MGAT5B: variants seen among roughly 807,000 people sequenced by gnomAD.
The protein encoded by MGAT5B is alpha-1,6-mannosylglycoprotein 6-beta-N-acetylglucosaminyltransferase B.
A neutral mutation model predicts 95.1 loss-of-function variants in MGAT5B; 54 were observed. The ratio of observed to expected loss-of-function variants is 0.57; its 90% CI spans 0.46 to 0.71. MGAT5B has a LOEUF of 0.71. Among genes scored for constraint, MGAT5B ranks in the 30% least tolerant of loss-of-function variants. MGAT5B has a pLI of 0.00. For synonymous variants in MGAT5B, 464 were observed against 451.0 expected (o/e 1.03, Z -0.36); for missense variants, 935 against 1,088.6 (o/e 0.86, Z 1.99).
intron 15 of MGAT5B, 130 bp from the exon 16 acceptor site, chr17:76,946,246 G>A (rs1352767042): frequency 7.3e-6 from 5 of 680,414 alleles, no homozygotes; most frequent in African/African-American, 3.7e-5. Flanking sequence ...GGTGGATGGG[G>A]TGGTCGGCTC....
At chr17:76,939,379 T>C (rs1969792813) in intron 13 of MGAT5B, among the ~76,000 whole-genome samples, 1 of 151,820 alleles carries the variant, frequency 6.6e-6, no homozygotes, top group Non-Finnish European at 1.5e-5. Context: ...CTGGGTGTGG[T>C]GGCGGGCGCC....
At chr17:76,899,383 C>T (rs544945817) in intron 3 of MGAT5B, among the ~76,000 whole-genome samples, 218 of 152,306 alleles carry the variant, frequency 1.4e-3, no homozygotes, top group African/African-American at 5.1e-3. Context: ...GTGGCTCACA[C>T]CTGTAATCCC....
chr17:76,887,287 C>T (rs577437706), intron 3 of MGAT5B, among the ~76,000 whole-genome samples: 2 of 152,138 alleles, frequency 1.3e-5, no homozygotes, highest in African/African-American at 4.8e-5. Context: ...TTGCAGTCAC[C>T]CCTGGCTCTT....
Position 76,947,982 on chromosome 17 carries a change from G to A in MGAT5B, c.2076G>A (p.Trp692Ter). The change falls in exon 17 of 18, where the codon TGG (tryptophan) becomes TGA (stop). Residue 692 changes from tryptophan to a stop codon, truncating the protein, a stop_gained. Transcript: ENST00000569840. LOFTEE classifies it high-confidence loss of function. Reference protein sequence around the residue: ...AWPPAHALRAWLAVPGRACTD... With the variant: ...AWPPAHALRA Reference sequence around the variant, plus strand: ...CCCCCGCGCACGCCCTGCGGGCCTGGCTGGCCGTGCCTGGGAGGGCCTGCA... The same window carrying A: ...CCCCCGCGCACGCCCTGCGGGCCTGACTGGCCGTGCCTGGGAGGGCCTGCA... 6.2e-7 allele frequency: 1 copy of A among 1,612,026 alleles called. No individual in the cohort carries two copies. Among genetic ancestry groups the A allele is most frequent in the Non-Finnish European group, 8.5e-7 (1 of 1,179,202 alleles).
intron 12 of MGAT5B, among the ~76,000 whole-genome samples, chr17:76,937,722 G>A: frequency 6.6e-6 from 1 of 152,200 alleles, no homozygotes; most frequent in East Asian, 1.9e-4. Context: ...CCATTTAAAT[G>A]TTGGTCCCCA....
Position 76,940,841 on chromosome 17 carries a change from G to A in MGAT5B, c.1841G>A (p.Arg614Lys). 1 of 1,613,422 alleles carries A rather than the reference G, an allele frequency of 6.2e-7. No homozygotes were observed. The highest frequency in any genetic ancestry group is 8.5e-7 in the Non-Finnish European group (1 of 1,179,466). Residue 614 changes from arginine (R) to lysine (K), a missense_variant, in exon 15 of 18, where the codon AGA (arginine) becomes AAA (lysine). Physicochemically the swap from Arg to Lys is conservative, Grantham distance 26. This residue lies in a region of MGAT5B where 440 missense variants were observed against 523.6 expected (regional missense o/e 0.84). Transcript: ENST00000569840. This position sits in a 1 kb window ranked among gnomAD's most constrained non-coding sequence, Gnocchi z 4.3. ...GAAGCAGCCATCAAGGCCATTATGA[G>A]AACTCAGGTGAGAGCAGCCACATAC... ...EFEAAIKAIM[R>K]TQVDPYLPYE...
chr17:76,924,912 C>T lies in MGAT5B; in HGVS notation c.1026-54C>T, dbSNP rs367967326. ...CTGGGCTCTAAGGAACTGGGGTGGC[C>T]GGTTGGGCAGGTGGGTTTCTTGGGG... On this transcript the variant is annotated intron_variant, in intron 8 of 17. Transcript: ENST00000569840. 20 of 1,603,852 alleles carry T rather than the reference C, an allele frequency of 1.2e-5. 1 individual carries two copies. The highest frequency in any genetic ancestry group is 1.7e-4 in the Middle Eastern group (1 of 6,034).
intron 15 of MGAT5B, among the ~76,000 whole-genome samples, chr17:76,942,059 G>A (rs1332691746): frequency 6.6e-6 from 1 of 152,202 alleles, no homozygotes; most frequent in East Asian, 1.9e-4. Flanking sequence ...GGAGGGTGGG[G>A]CGCTGATGGC....
chr17:76,913,500 G>A (rs572255354), intron 8 of MGAT5B, among the ~76,000 whole-genome samples: 39 of 152,360 alleles, frequency 2.6e-4, no homozygotes, highest in African/African-American at 8.9e-4. Flanking sequence ...AAACAGAGGT[G>A]CCCCATGGAG....
chr17:76,926,463 T>A, intron 9 of MGAT5B, 134 bp from the exon 10 acceptor site: 1 of 835,030 alleles, frequency 1.2e-6, no homozygotes, highest in East Asian at 2.7e-5. Context: ...AGTGTCCTAG[T>A]CCAAGTGCTA....
chr17:76,915,504 G>A lies in MGAT5B; in HGVS notation c.1025+9317G>A, dbSNP rs1213653741. Among the ~76,000 whole-genome samples the A allele has an allele frequency of 6.6e-6, 1 of 152,198 alleles. No individual in the cohort carries two copies. Among genetic ancestry groups the A allele is most frequent in the Non-Finnish European group, 1.5e-5 (1 of 68,036 alleles). Reference sequence around the variant, plus strand: ...CGGGCTCTACCAGGGTTTGTAATATGCTATCCCTCGAAACAAACAGGATTC... The same window carrying A: ...CGGGCTCTACCAGGGTTTGTAATATACTATCCCTCGAAACAAACAGGATTC... On this transcript the variant is annotated intron_variant, in intron 8 of 17. Coordinates refer to ENST00000569840, the MANE Select transcript of MGAT5B (RefSeq NM_001199172.2). This position sits in a 1 kb window ranked among gnomAD's most constrained non-coding sequence, Gnocchi z 8.7.
At chr17:76,936,884 A>G (rs1190351653) in intron 12 of MGAT5B, among the ~76,000 whole-genome samples, 1 of 152,204 alleles carries the variant, frequency 6.6e-6, no homozygotes, top group African/African-American at 2.4e-5. Context: ...AAGCCTGCTA[A>G]CTGTGTTCTT....
chr17:76,938,908 G>A lies in MGAT5B; in HGVS notation c.1584+765G>A, dbSNP rs1969760625. ...TGCCCAGGCTGGTGTCAATCTCCTGGGCTTAAGCGATCCTACCACCTCGGC... is the reference window on the plus strand; with the variant it reads ...TGCCCAGGCTGGTGTCAATCTCCTGAGCTTAAGCGATCCTACCACCTCGGC... On this transcript the variant is annotated intron_variant, in intron 13 of 17. Transcript: ENST00000569840. This position sits in a 1 kb window ranked among gnomAD's most constrained non-coding sequence, Gnocchi z 4.3. Among the ~76,000 whole-genome samples the A allele has an allele frequency of 6.6e-6, 1 of 151,896 alleles. No individual in the cohort carries two copies. Among genetic ancestry groups the A allele is most frequent in the South Asian group, 2.1e-4 (1 of 4,802 alleles).
intron 3 of MGAT5B, among the ~76,000 whole-genome samples, chr17:76,897,793 C>T (rs1164339286): frequency 3.4e-5 from 5 of 145,202 alleles, no homozygotes; most frequent in African/African-American, 7.7e-5. Context: ...TGGTGGCTCA[C>T]GCCTGTTATC....
chr17:76,946,377 T>G lies in MGAT5B; in HGVS notation c.1850T>G (p.Val617Gly). 6.2e-7 allele frequency: 1 copy of G among 1,605,966 alleles called. No homozygotes were observed. The highest frequency in any genetic ancestry group is 8.5e-7 in the Non-Finnish European group (1 of 1,176,002). Reference protein sequence around the residue: ...AAIKAIMRTQVDPYLPYEYTC... With the variant: ...AAIKAIMRTQGDPYLPYEYTC... ...TGTGTCTGCCCATCCCTCCCACAGG[T>G]AGACCCCTACCTACCCTACGAGTAC... The change falls in exon 16 of 18, where the codon GTA (valine) becomes GGA (glycine). Residue 617 changes from valine (V) to glycine (G), a missense_variant and splice_region_variant. Physicochemically the swap from Val to Gly is moderately radical, Grantham distance 109 (BLOSUM62 -3). This residue lies in a region of MGAT5B where 440 missense variants were observed against 523.6 expected (regional missense o/e 0.84). Transcript: ENST00000569840.
Position 76,946,422 on chromosome 17 carries a change from A to C in MGAT5B, c.1895A>C (p.Glu632Ala). Residue 632 changes from glutamate to alanine, a missense_variant, in exon 16 of 18, where the codon GAG becomes GCG. Glu to Ala is a moderately radical substitution (Grantham distance 107). Coordinates refer to ENST00000569840, the MANE Select transcript of MGAT5B (RefSeq NM_001199172.2). ...PYEYTCEGML[E>A]RIHAYIQHQD... ...GAGTACACCTGCGAGGGGATGCTGG[A>C]GCGGATCCACGCCTACATCCAGCAC... 5 of 1,604,398 alleles carry C rather than the reference A, an allele frequency of 3.1e-6. No homozygotes were observed. The highest frequency in any genetic ancestry group is 4.3e-6 in the Non-Finnish European group (5 of 1,174,998).
Position 76,940,884 on chromosome 17 carries a change from A to G in MGAT5B, c.1848+36A>G. Reference sequence around the variant, plus strand: ...CCACATACAGTTGAGACCCCCCACTAGTCCACACTGCTGGTCTTCACTCTG... The same window carrying G: ...CCACATACAGTTGAGACCCCCCACTGGTCCACACTGCTGGTCTTCACTCTG... On this transcript the variant is annotated intron_variant, in intron 15 of 17. Coordinates refer to ENST00000569840, the MANE Select transcript of MGAT5B (RefSeq NM_001199172.2). The surrounding 1 kb of genome is among the most constrained non-coding windows in gnomAD (Gnocchi z 4.3). The G allele has an allele frequency of 6.6e-7, 1 of 1,506,276 alleles. No individual in the cohort carries two copies. Among genetic ancestry groups the G allele is most frequent in the Non-Finnish European group, 9.2e-7 (1 of 1,082,500 alleles). The allele number at this position is 1,506,276 out of a possible 1,614,324, so 93.3% of individuals were successfully genotyped here.
chr17:76,896,857 C>T (rs1968079640), intron 3 of MGAT5B, among the ~76,000 whole-genome samples: 1 of 152,150 alleles, frequency 6.6e-6, no homozygotes, highest in Non-Finnish European at 1.5e-5. Flanking sequence ...TCAGCAAGAG[C>T]AACGTGGTTG....
In MGAT5B at chr17:76,940,703, G is replaced by C. The variant is rs749810618; in HGVS notation, c.1732-29G>C. ...CCCTGTCCCACTGGCAGGCACGGGG[G>C]GCATCTGCAATCTCTGTACCCTTGC... On this transcript the variant is annotated intron_variant, in intron 14 of 17. Transcript: ENST00000569840. The surrounding 1 kb of genome is among the most constrained non-coding windows in gnomAD (Gnocchi z 4.3). 30 of 1,609,098 alleles carry C rather than the reference G, an allele frequency of 1.9e-5. No individual in the cohort carries two copies. The highest frequency in any genetic ancestry group is 2.7e-5 in the African/African-American group (2 of 74,828).
Sources: gnomAD v4.1 joint callset for allele counts (sites outside exome capture counted in the v4.1 genomes callset) on GRCh38, gnomAD v4.1.1 for gene constraint, gnomAD v4.1.1 regional missense constraint, Gnocchi (gnomAD v3.1) non-coding constraint, MANE v1.5 for transcripts, NCBI Gene and HGNC (gene_info 2026-07-23, HGNC 2026-07-21) for gene names.